The following INO80 variants were observed in gnomAD, a reference collection of about 807,000 sequenced individuals.
The protein encoded by INO80 is chromatin-remodeling ATPase INO80.
INO80 carries 20 observed loss-of-function variants against 203.4 expected under a neutral mutation model. The ratio of observed to expected loss-of-function variants is 0.10; its 90% CI spans 0.07 to 0.14. The LOEUF (loss-of-function observed/expected upper bound fraction) is 0.14, where lower values mean the gene tolerates loss of function less well. Among genes scored for constraint, INO80 ranks in the 10% least tolerant of loss-of-function variants. The pLI is 1.00. For synonymous variants in INO80, 726 were observed against 685.2 expected, an observed-to-expected ratio of 1.06 and a Z score of -0.93; for missense variants, 1,419 against 1,914.4, an observed-to-expected ratio of 0.74 and a Z score of 4.83.
intron 31 of INO80, among the ~76,000 whole-genome samples, chr15:40,986,341 T>G (rs1034919347): frequency 2.2e-5 from 3 of 133,670 alleles, no homozygotes; most frequent in African/African-American, 3.3e-5. Context: ...TTTTTTTTTT[T>G]GAGATGGAAT....
intron 25 of INO80, among the ~76,000 whole-genome samples, chr15:41,023,715 G>T (rs2044329587): frequency 7.5e-6 from 1 of 133,012 alleles, no homozygotes; most frequent in Non-Finnish European, 1.5e-5. Flanking sequence ...GTTACAGTGA[G>T]CTGAGATTGC....
At chr15:40,980,879 G>C (rs938657950) in intron 35 of INO80, among the ~76,000 whole-genome samples, 2 of 152,096 alleles carry the variant, frequency 1.3e-5, no homozygotes, top group African/African-American at 4.8e-5. Context: ...AGTAAGTCGG[G>C]CCAGAGGGTA....
At chr15:41,019,767 A>G (rs2044261812) in intron 26 of INO80, among the ~76,000 whole-genome samples, 1 of 152,256 alleles carries the variant, frequency 6.6e-6, no homozygotes, top group African/African-American at 2.4e-5. Flanking sequence ...TGGAGTTCTC[A>G]AAGCACTAAC....
At position 41,095,899 on chromosome 15, in the gene INO80, C is replaced by T. The variant is rs2045716119; in HGVS notation, c.173G>A (p.Ser58Asn). ...SDDSEDGLDD[S>N]NPLLPQSGDP... ...CCCAGACTGGGGCAATAATGGATTA[C>T]TGTCATCCAGTCCATCTTCACTGTC... Residue 58 changes from serine (S) to asparagine (N), a missense_variant, in exon 3 of 36, where the codon AGT becomes AAT. This residue lies in a region of INO80 where 323 missense variants were observed against 325.4 expected (regional missense o/e 0.99). Transcript: ENST00000648947. The T allele has an allele frequency of 1.9e-6, 3 of 1,613,970 alleles. No individual in the cohort carries two copies. The highest frequency in any genetic ancestry group is 1.7e-6 in the Non-Finnish European group (2 of 1,179,864).
rs571824553 is a variant in INO80 at position 41,072,536 on chromosome 15, T to C, written c.1396-478A>G. Among the ~76,000 whole-genome samples the C allele has an allele frequency of 1.1e-3, 170 of 149,998 alleles. 1 individual carries two copies. Among genetic ancestry groups the C allele is most frequent in the African/African-American group, 3.5e-3 (143 of 40,778 alleles). ...GAGATCGAGACCATCCTGGCCAACA[T>C]GGTGAAACCCCGTCTCTACTAAAAT... On this transcript the variant is annotated intron_variant, in intron 11 of 35. Transcript: ENST00000648947.
chr15:41,009,214 A>G (rs1330164132), intron 27 of INO80, among the ~76,000 whole-genome samples: 1 of 144,432 alleles, frequency 6.9e-6, no homozygotes, highest in Non-Finnish European at 1.5e-5. Context: ...TTTTGTTTTT[A>G]AGTTCCTTAT....
At chr15:41,058,918 T>G in intron 15 of INO80, 137 bp from the exon 16 acceptor site, 1 of 776,096 alleles carries the variant, frequency 1.3e-6, no homozygotes, top group Non-Finnish European at 2.0e-6. Flanking sequence ...GGTAGGGAGA[T>G]GTGCAGTGAA....
intron 14 of INO80, among the ~76,000 whole-genome samples, chr15:41,068,483 C>T (rs184474239): frequency 5.0e-4 from 76 of 152,186 alleles, no homozygotes; most frequent in African/African-American, 1.6e-3. Flanking sequence ...ATCACTTCAA[C>T]CCTGGAGGCA....
intron 14 of INO80, among the ~76,000 whole-genome samples, chr15:41,062,722 C>T (rs1157750243): frequency 6.6e-6 from 1 of 152,062 alleles, no homozygotes; most frequent in Non-Finnish European, 1.5e-5. Context: ...CAGGAGTCCC[C>T]CTCACCCTGG....
At position 41,084,988 on chromosome 15, in the gene INO80, C is replaced by T. The variant is rs181981219; in HGVS notation, c.873+381G>A. 4.3e-4 allele frequency among the ~76,000 whole-genome samples: 66 copies of T among 152,352 alleles called. No homozygotes were observed. The East Asian group carries it at 0.012, about 28-fold the overall frequency. ...CTGGGCTCAAGCGATCTACCCACCT[C>T]AGCCTCCCAAAGTGCTGGGATTACA... On this transcript the variant is annotated intron_variant, in intron 7 of 35. Coordinates refer to ENST00000648947, the MANE Select transcript of INO80 (RefSeq NM_017553.3).
chr15:41,054,609 GCATTTGACC>G (rs930868646), intron 18 of INO80, among the ~76,000 whole-genome samples: 3 of 152,122 alleles, frequency 2.0e-5, no homozygotes, highest in African/African-American at 4.8e-5. Flanking sequence ...TAGACCCATA[GCATTTGACC>G]CATTTGACCC....
intron 26 of INO80, 145 bp downstream of exon 26, chr15:41,020,755 T>G: frequency 5.1e-6 from 3 of 585,052 alleles, no homozygotes; most frequent in Non-Finnish European, 9.1e-6. Flanking sequence ...ACTAATATTC[T>G]TACCTATGAA....
rs369558828 is a variant in INO80, at chr15:41,016,263, G to A, written c.3275-48C>T. ...AGGGGGAACTGTATTTAATTGAAGCGACAAAATCACTCAATGCAAAGCTGT... is the reference window on the plus strand; with the variant it reads ...AGGGGGAACTGTATTTAATTGAAGCAACAAAATCACTCAATGCAAAGCTGT... On this transcript the variant is annotated intron_variant, in intron 26 of 35. Transcript: ENST00000648947. The A allele has an allele frequency of 8.6e-5, 136 of 1,585,370 alleles. No homozygotes were observed. In the Middle Eastern group the frequency reaches 1.0e-3, roughly 12 times the overall value.
intron 29 of INO80, among the ~76,000 whole-genome samples, chr15:40,988,211 ATAATAT>A (rs2043767327): frequency 6.6e-6 from 1 of 152,238 alleles, no homozygotes; most frequent in Non-Finnish European, 1.5e-5. Context: ...AAGAGTGGCA[ATAATAT>A]TAATAGTTAA....
At chr15:40,984,469 T>G in intron 32 of INO80, 117 bp from the exon 33 acceptor site, 1 of 903,594 alleles carries the variant, frequency 1.1e-6, no homozygotes. Context: ...ACTTCTCAAT[T>G]AGCATATTTT....
At chr15:41,077,972 C>T (rs1042404310) in intron 9 of INO80, among the ~76,000 whole-genome samples, 1 of 151,204 alleles carries the variant, frequency 6.6e-6, no homozygotes, top group African/African-American at 2.4e-5. Flanking sequence ...ACGATCTCAG[C>T]TCACTGCAAC....
intron 34 of INO80, chr15:40,983,353 T>C (rs1893908402): frequency 2.2e-6 from 1 of 459,910 alleles, no homozygotes; most frequent in African/African-American, 2.0e-5. Context: ...AATTTGTCCA[T>C]TACAAAGGGA....
intron 14 of INO80, among the ~76,000 whole-genome samples, chr15:41,066,662 T>C (rs2045222562): frequency 6.7e-6 from 1 of 150,066 alleles, no homozygotes; most frequent in South Asian, 2.1e-4. Flanking sequence ...GACGGCACCA[T>C]AAAATTAAAA....
chr15:41,058,902 C>A, intron 15 of INO80, 121 bp from the exon 16 acceptor site: 1 of 883,422 alleles, frequency 1.1e-6, no homozygotes, highest in Non-Finnish European at 1.7e-6. Context: ...TGTGCTTCTC[C>A]CATATGGTAG....
Sources: allele counts gnomAD v4.1 joint callset (sites outside exome capture counted in the v4.1 genomes callset), GRCh38; gene constraint gnomAD v4.1.1; regional missense constraint gnomAD v4.1.1; transcripts MANE v1.5; gene names NCBI Gene and HGNC (gene_info 2026-07-23, HGNC 2026-07-21).